Variants in PACS2 observed in about 807,000 individuals in gnomAD.
PACS2 encodes the protein PACS1-like protein.
Under a neutral mutation model 113.0 loss-of-function variants are expected in PACS2, and 36 were observed. The observed-to-expected ratio is 0.32, with a 90% CI of 0.24 to 0.42. The LOEUF is 0.42. PACS2 is among the 10% of genes least tolerant of loss of function. The pLI is 1.00. For synonymous variants in PACS2, 589 were observed against 536.1 expected (o/e 1.10, Z -1.36); for missense variants, 1,015 against 1,239.5 (o/e 0.82, Z 2.72).
intron 2 of PACS2, among the ~76,000 whole-genome samples, chr14:105,349,150 C>T (rs1288662249): frequency 6.6e-6 from 1 of 152,246 alleles, no homozygotes; most frequent in South Asian, 2.1e-4. Flanking sequence ...GCTGCCATGA[C>T]CCTTGCAGCA....
intron 1 of PACS2, among the ~76,000 whole-genome samples, chr14:105,327,468 G>A (rs1158541538): frequency 6.6e-6 from 1 of 152,194 alleles, no homozygotes; most frequent in Admixed American, 6.5e-5. Flanking sequence ...GGGGGCTGGG[G>A]TGGAGTTGTT....
intron 14 of PACS2, 79 bp downstream of exon 14, chr14:105,382,660 G>T: frequency 1.0e-6 from 1 of 1,000,072 alleles, no homozygotes; most frequent in East Asian, 2.4e-5. Context: ...CCCCCTACCC[G>T]GCACACCTGG....
intron 5 of PACS2, among the ~76,000 whole-genome samples, chr14:105,367,582 G>A (rs971808702): frequency 3.9e-5 from 6 of 152,254 alleles, no homozygotes; most frequent in Non-Finnish European, 7.3e-5. Context: ...TTCTGCCCCC[G>A]TGGCTGCAGC....
rs1214838083 is a variant in PACS2, at chr14:105,355,892, A to G, written c.423+715A>G. ...TTGGCTCTGGGAGAAGGGGCAGCCC[A>G]GGGCCCCAGACCAGTTTGTCTCTTT... is the stretch of plus-strand genomic sequence containing the variant. On this transcript the variant is annotated intron_variant, in intron 4 of 24. Transcript: ENST00000447393. This position sits in a 1 kb window ranked among gnomAD's most constrained non-coding sequence, Gnocchi z 4.1. Among the ~76,000 whole-genome samples, 2 of 152,190 alleles carry G rather than the reference A, an allele frequency of 1.3e-5. No individual in the cohort carries two copies. The highest frequency in any genetic ancestry group is 4.8e-5 in the African/African-American group (2 of 41,454).
intron 2 of PACS2, among the ~76,000 whole-genome samples, chr14:105,351,145 T>A (rs587743093): frequency 6.6e-6 from 1 of 152,278 alleles, no homozygotes; most frequent in Non-Finnish European, 1.5e-5. Context: ...CGCGCCGGCC[T>A]CCGGGAACCT....
At chr14:105,392,032 T>C (rs782266352) in intron 22 of PACS2, 2 of 514,564 alleles carry the variant, frequency 3.9e-6, no homozygotes, top group Non-Finnish European at 6.8e-6. Flanking sequence ...CTCAGCTCTG[T>C]ACACAGTTGG....
chr14:105,334,008 C>G (rs892476784), intron 1 of PACS2, among the ~76,000 whole-genome samples: 4 of 152,252 alleles, frequency 2.6e-5, no homozygotes, highest in African/African-American at 9.6e-5. Flanking sequence ...CAGGGCCCTT[C>G]CTGCCTGGGG....
In PACS2 at chr14:105,382,007, G is replaced by A; in HGVS notation, c.1362G>A (p.Leu454=). The A allele has an allele frequency of 6.5e-7, 1 of 1,550,164 alleles. No homozygotes were observed. Among genetic ancestry groups the A allele is most frequent in the East Asian group, 2.4e-5 (1 of 40,998 alleles). The part of the protein sequence containing the change: ...ARPQNERANS[L]DNERCPDARS... ...CCCAGAATGAGCGGGCCAACAGCCT[G>A]GACAACGAGCGCTGCCCGGACGCCC... The change falls in exon 13 of 25, where the codon CTG becomes CTA. Residue 454 remains leucine, a synonymous_variant. Coordinates refer to ENST00000447393, the MANE Select transcript of PACS2 (RefSeq NM_001100913.3).
intron 4 of PACS2, among the ~76,000 whole-genome samples, chr14:105,364,256 G>C (rs1335268089): frequency 6.6e-6 from 1 of 152,102 alleles, no homozygotes; most frequent in East Asian, 1.9e-4. Context: ...AGAGCAGAGT[G>C]AGGGCTGCAG....
intron 1 of PACS2, among the ~76,000 whole-genome samples, chr14:105,343,676 C>T (rs1477036485): frequency 2.0e-5 from 3 of 150,980 alleles, no homozygotes; most frequent in East Asian, 1.9e-4. Context: ...TCTGGTGAAA[C>T]GTCTGTTCAA....
At chr14:105,391,980 T>A (rs1020658173) in intron 22 of PACS2, 1 of 566,164 alleles carries the variant, frequency 1.8e-6, no homozygotes, top group African/African-American at 1.9e-5. Flanking sequence ...GGACAGAAAC[T>A]CCTGCACAGT....
At chr14:105,382,615 G>T in intron 14 of PACS2, 34 bp downstream of exon 14, 1 of 1,332,762 alleles carries the variant, frequency 7.5e-7, no homozygotes. Flanking sequence ...GGAGGGTCAG[G>T]GTGTAGGACA....
At chr14:105,308,226 T>A (rs4983601) in intron 1 of PACS2, among the ~76,000 whole-genome samples, 151,756 of 151,846 alleles carry the variant, frequency 1, 75,833 homozygotes, top group African/African-American at 1. Context: ...TCACACCTGT[T>A]ATCCCAGCAC....
In PACS2 at chr14:105,356,773, G is replaced by A. The variant is rs368099301; in HGVS notation, c.423+1596G>A. Among the ~76,000 whole-genome samples the A allele has an allele frequency of 7.6e-4, 114 of 150,322 alleles. No homozygotes were observed. In the East Asian group the frequency reaches 0.022, roughly 29 times the overall value. On this transcript the variant is annotated intron_variant, in intron 4 of 24. Transcript: ENST00000447393. The surrounding 1 kb of genome is among the most constrained non-coding windows in gnomAD (Gnocchi z 4.0). ...TGTGTTTCCCATTAGCCATGCAGGC[G>A]AGGTCCTGCTGATCCCTGCCGGTCC...
At chr14:105,325,218 CG>C (rs959709392) in intron 1 of PACS2, among the ~76,000 whole-genome samples, 15 of 13,546 alleles carry the variant, frequency 1.1e-3, no homozygotes, top group African/African-American at 4.8e-3. Flanking sequence ...TGCTGTGGCT[CG>C]GGGTGGGGTG....
rs1164591211 is a variant in PACS2, at chr14:105,356,634, TCATGCAGGCTCTGTTTCCCATTAGC to T, written c.423+1467_423+1491del. Among the ~76,000 whole-genome samples, 1 of 152,148 alleles carries T rather than the reference TCATGCAGGCTCTGTTTCCCATTAGC, an allele frequency of 6.6e-6. No individual in the cohort carries two copies. The highest frequency in any genetic ancestry group is 1.9e-4 in the East Asian group (1 of 5,200). ...GGAGGGTCCAGGCACTGTGGGGAGGTCATGCAGGCTCTGTTTCCCATTAGCCATGCAGGCGAGGTCCTGCTGATCC... is the reference window on the plus strand; with the variant it reads ...GGAGGGTCCAGGCACTGTGGGGAGGTCATGCAGGCGAGGTCCTGCTGATCC... On this transcript the variant is annotated intron_variant, in intron 4 of 24. Transcript: ENST00000447393. The surrounding 1 kb of genome is among the most constrained non-coding windows in gnomAD (Gnocchi z 4.0).
In PACS2 at chr14:105,382,911, A is replaced by T. The variant is rs1555412480; in HGVS notation, c.1623A>T (p.Arg541Ser). 6.3e-7 allele frequency: 1 copy of T among 1,583,996 alleles called. No individual in the cohort carries two copies. Among genetic ancestry groups the T allele is most frequent in the Non-Finnish European group, 8.6e-7 (1 of 1,159,928 alleles). Residue 541 changes from arginine to serine, a missense_variant and splice_region_variant, in exon 15 of 25, where the codon AGA (arginine) becomes AGT (serine). Arg to Ser is a moderately radical substitution (Grantham distance 110). Around this residue, in one of 3 missense-constraint regions of PACS2, gnomAD observed 859 missense variants for 1,056.8 expected, o/e 0.81. Coordinates refer to ENST00000447393, the MANE Select transcript of PACS2 (RefSeq NM_001100913.3). ...GCACCATCGTCTCACGGATACAGAG[A>T]TAGTGAGTTGGGCTCCACCCTGTAC... ...AFSTIVSRIQ[R>S]YCNCNSQPPT...
intron 1 of PACS2, among the ~76,000 whole-genome samples, chr14:105,331,024 C>T (rs372440317): frequency 1.6e-4 from 24 of 151,526 alleles, no homozygotes; most frequent in African/African-American, 5.3e-4. Flanking sequence ...GGCACAATCT[C>T]GGCTCACTGC....
At position 105,355,380 on chromosome 14, in the gene PACS2, C is replaced by G. The variant is rs73359063; in HGVS notation, c.423+203C>G. The stretch of plus-strand genomic sequence containing the variant: ...TGCTTCCTCTCTGACCTTCCCTTGC[C>G]GCCTAGCATGGCTCCCCGCATGCCT... On this transcript the variant is annotated intron_variant, in intron 4 of 24. Coordinates refer to ENST00000447393, the MANE Select transcript of PACS2 (RefSeq NM_001100913.3). This position sits in a 1 kb window ranked among gnomAD's most constrained non-coding sequence, Gnocchi z 4.1. Among the ~76,000 whole-genome samples, 14 of 152,250 alleles carry G rather than the reference C, an allele frequency of 9.2e-5. No homozygotes were observed. The highest frequency in any genetic ancestry group is 1.8e-4 in the Non-Finnish European group (12 of 68,044).
Sources: allele counts gnomAD v4.1 joint callset (sites outside exome capture counted in the v4.1 genomes callset), GRCh38; gene constraint gnomAD v4.1.1; regional missense constraint gnomAD v4.1.1; non-coding constraint Gnocchi (gnomAD v3.1); transcripts MANE v1.5; gene names NCBI Gene and HGNC (gene_info 2026-07-23, HGNC 2026-07-21).